Variants in BAZ2B observed in about 807,000 individuals in gnomAD.
BAZ2B encodes the protein bromodomain adjacent to zinc finger domain 2B, also known as bromodomain adjacent to zinc finger domain protein 2B.
In BAZ2B, 91 loss-of-function variants were observed where a neutral mutation model predicts 246.0. The ratio of observed to expected loss-of-function variants is 0.37; its 90% confidence interval spans 0.31 to 0.44. BAZ2B has a LOEUF of 0.44. BAZ2B is among the 20% of genes least tolerant of loss of function. The pLI is 1.00. For synonymous variants in BAZ2B, 855 were observed against 860.0 expected (o/e 0.99, Z 0.10); for missense variants, 2,332 against 2,533.7 (o/e 0.92, Z 1.71).
the BAZ2B span, among the ~76,000 whole-genome samples, chr2:159,651,450 T>C: frequency 6.6e-6 from 1 of 152,350 alleles, no homozygotes; most frequent in Admixed American, 6.5e-5. Context: ...ATAATCACTT[T>C]TCTGCCAATC....
chr2:159,502,942 C>T (rs1049994801), intron 2 of BAZ2B, among the ~76,000 whole-genome samples: 2 of 152,126 alleles, frequency 1.3e-5, no homozygotes, highest in African/African-American at 4.8e-5. Flanking sequence ...TGGGGACTAA[C>T]AAGTTTATCC....
intron 2 of BAZ2B, among the ~76,000 whole-genome samples, chr2:159,499,321 C>T (rs1275297133): frequency 6.6e-6 from 1 of 152,140 alleles, no homozygotes; most frequent in African/African-American, 2.4e-5. Context: ...ATAATGGCTT[C>T]GAACTCCATC....
At chr2:159,542,761 A>G (rs1293566357) in intron 2 of BAZ2B, among the ~76,000 whole-genome samples, 2 of 152,230 alleles carry the variant, frequency 1.3e-5, no homozygotes, top group African/African-American at 4.8e-5. Flanking sequence ...AAAAATCCAA[A>G]GAACTATTAA....
chr2:159,399,956 CAA>C (rs2064716533), intron 17 of BAZ2B, among the ~76,000 whole-genome samples: 1 of 152,152 alleles, frequency 6.6e-6, no homozygotes, highest in Non-Finnish European at 1.5e-5. Context: ...TGCACAGCTC[CAA>C]AGAGTAATGC....
chr2:159,404,190 T>C (rs924231953), intron 16 of BAZ2B, among the ~76,000 whole-genome samples: 7 of 152,276 alleles, frequency 4.6e-5, no homozygotes, highest in African/African-American at 1.7e-4. Context: ...TATGAGGAGA[T>C]GGGAGAGTAG....
chr2:159,548,380 C>T (rs1269861107), intron 2 of BAZ2B, among the ~76,000 whole-genome samples: 1 of 152,056 alleles, frequency 6.6e-6, no homozygotes, highest in Non-Finnish European at 1.5e-5. Flanking sequence ...TCAGATAGTA[C>T]ATAGTAAACT....
chr2:159,523,768 C>A (rs1404761147), intron 2 of BAZ2B, among the ~76,000 whole-genome samples: 1 of 152,076 alleles, frequency 6.6e-6, no homozygotes, highest in Non-Finnish European at 1.5e-5. Context: ...ATATTCTGTA[C>A]ATTAAAGTTT....
intron 1 of BAZ2B, among the ~76,000 whole-genome samples, chr2:159,556,511 AGTGCAGTGGC>A (rs71956405): frequency 3.6e-4 from 50 of 139,448 alleles, no homozygotes; most frequent in African/African-American, 1.6e-3. Context: ...CCCAGGCTGG[AGTGCAGTGGC>A]GCGATCGTGG....
intron 3 of BAZ2B, chr2:159,462,832 T>C (rs1198478348): frequency 3.8e-6 from 6 of 1,566,408 alleles, no homozygotes; most frequent in Non-Finnish European, 4.4e-6. Flanking sequence ...GCATAAACAG[T>C]ACAGAAGCCG....
chr2:159,320,070 A>G lies in BAZ2B; in HGVS notation c.*195T>C, dbSNP rs1169168916. On this transcript the variant is annotated 3_prime_UTR_variant, in exon 37 of 37. Transcript: ENST00000392783. Reference sequence around the variant, plus strand: ...AATTAGCTGATAAATCACACAAACCAATAACCGAGGGCCTTGGTTGTTGTA... The same window carrying G: ...AATTAGCTGATAAATCACACAAACCGATAACCGAGGGCCTTGGTTGTTGTA... The G allele has an allele frequency of 6.5e-6, 3 of 459,316 alleles. No homozygotes were observed. The highest frequency in any genetic ancestry group is 1.1e-5 in the Non-Finnish European group (3 of 278,758). 28.5% of individuals were successfully genotyped at this position (459,316 alleles called of 1,614,324 possible).
At chr2:159,512,474 A>G (rs1479540806) in intron 2 of BAZ2B, among the ~76,000 whole-genome samples, 2 of 152,208 alleles carry the variant, frequency 1.3e-5, no homozygotes, top group African/African-American at 2.4e-5. Context: ...TCCAGTAAGA[A>G]ACATAGCTAT....
At chr2:159,338,840 C>A (rs2066112145) in intron 31 of BAZ2B, among the ~76,000 whole-genome samples, 1 of 152,114 alleles carries the variant, frequency 6.6e-6, no homozygotes, top group South Asian at 2.1e-4. Context: ...TTCCATATCT[C>A]TGCCAGAAGT....
At chr2:159,516,466 T>C (rs1049829164) in intron 2 of BAZ2B, 1 of 152,532 alleles carries the variant, frequency 6.6e-6, no homozygotes, top group East Asian at 1.9e-4. Context: ...CATGAAAACA[T>C]AATCCAAGTA....
intron 2 of BAZ2B, among the ~76,000 whole-genome samples, chr2:159,482,322 A>G (rs2079337226): frequency 6.6e-6 from 1 of 152,138 alleles, no homozygotes; most frequent in South Asian, 2.1e-4. Flanking sequence ...ATTAGTTGTG[A>G]TTTTGTAAAA....
chr2:159,325,111 TATATTTTATATATATATATATATA>T (rs1416524377), intron 35 of BAZ2B, among the ~76,000 whole-genome samples, 157 bp from the exon 36 acceptor site: 3 of 2,226 alleles, frequency 1.3e-3, no homozygotes, highest in Non-Finnish European at 2.4e-3. Flanking sequence ...TATATATATA[TATATTTTATATATATATATATATA>T]TATATATATA....
chr2:159,582,918 AT>A (rs1687165309), intron 1 of BAZ2B, among the ~76,000 whole-genome samples: 1 of 152,132 alleles, frequency 6.6e-6, no homozygotes, highest in African/African-American at 2.4e-5. Context: ...GAATTTTTCA[AT>A]TTGCCTATTT....
At chr2:159,454,601 G>A (rs1258214064) in intron 3 of BAZ2B, among the ~76,000 whole-genome samples, 1 of 152,164 alleles carries the variant, frequency 6.6e-6, no homozygotes, top group African/African-American at 2.4e-5. Context: ...GGGGGCTACT[G>A]TCATATATGT....
At chr2:159,356,532 T>C in intron 27 of BAZ2B, among the ~76,000 whole-genome samples, 1 of 152,108 alleles carries the variant, frequency 6.6e-6, no homozygotes, top group East Asian at 1.9e-4. Context: ...TGGGGGAAGA[T>C]GCAGCTGTGG....
the BAZ2B span, among the ~76,000 whole-genome samples, chr2:159,658,635 A>G: frequency 6.6e-6 from 1 of 152,180 alleles, no homozygotes; most frequent in Non-Finnish European, 1.5e-5. Context: ...CTTGTGCCTC[A>G]GCCTCCCAAG....
Sources: allele counts gnomAD v4.1 joint callset (sites outside exome capture counted in the v4.1 genomes callset), GRCh38; gene constraint gnomAD v4.1.1; transcripts MANE v1.5; gene names NCBI Gene and HGNC (gene_info 2026-07-23, HGNC 2026-07-21).